The following ZNF43 variants were observed in gnomAD, a reference collection of about 807,000 sequenced individuals.
The protein encoded by ZNF43 is zinc finger protein 43, also known as zinc finger protein 39-like 1 (KOX 27).
A neutral mutation model predicts 68.4 loss-of-function variants in ZNF43; 44 were observed. The ratio of observed to expected loss-of-function variants is 0.64; its 90% CI spans 0.51 to 0.83. The LOEUF is 0.83. ZNF43 is among the 40% of genes least tolerant of loss of function. The pLI, the probability that ZNF43 is intolerant of heterozygous loss-of-function variation, is 0.00. For synonymous variants in ZNF43, 308 were observed against 307.8 expected, an observed-to-expected ratio of 1.00 and a Z score of -0.01; for missense variants, 896 against 933.2, an observed-to-expected ratio of 0.96 and a Z score of 0.52.
intron 1 of ZNF43, chr19:21,843,435 A>T (rs1207690815): frequency 1.1e-6 from 1 of 939,768 alleles, no homozygotes; most frequent in Non-Finnish European, 1.3e-6. Flanking sequence ...TCACCATCTC[A>T]ATGTAGATGA....
intron 1 of ZNF43, among the ~76,000 whole-genome samples, chr19:21,848,040 G>C (rs1318353733): frequency 2.0e-5 from 3 of 151,856 alleles, no homozygotes; most frequent in Non-Finnish European, 4.4e-5. Flanking sequence ...GACTGGTCTT[G>C]AACTCCTGAC....
rs185205420 is a variant in ZNF43 at position 21,829,691 on chromosome 19, T to C, written c.3+6345A>G. Among the ~76,000 whole-genome samples the C allele has an allele frequency of 1.2e-4, 19 of 152,294 alleles. No individual in the cohort carries two copies. The East Asian group carries it at 2.5e-3, about 20-fold the overall frequency. On this transcript the variant is annotated intron_variant, in intron 1 of 3. Coordinates refer to ENST00000354959, the MANE Select transcript of ZNF43 (RefSeq NM_003423.4). ...TTTAAGATAAAAGAGTTGAACAAGA[T>C]AGTCTCTCTTATTTTCAGGTAGGAT...
chr19:21,850,598 A>C (rs956949176), intron 1 of ZNF43, among the ~76,000 whole-genome samples: 1 of 152,144 alleles, frequency 6.6e-6, no homozygotes, highest in African/African-American at 2.4e-5. Flanking sequence ...CCTGGGCAGG[A>C]GCCTCTTATT....
At chr19:21,832,387 A>G (rs924255213) in intron 1 of ZNF43, among the ~76,000 whole-genome samples, 3 of 151,800 alleles carry the variant, frequency 2.0e-5, no homozygotes, top group Admixed American at 6.6e-5. Context: ...CTCAAAGTGA[A>G]TTAAAGTCTT....
intron 1 of ZNF43, among the ~76,000 whole-genome samples, chr19:21,849,661 T>C (rs1968207843): frequency 6.8e-6 from 1 of 146,170 alleles, no homozygotes; most frequent in South Asian, 2.2e-4. Flanking sequence ...AATATAAAAA[T>C]TGCCCAGGAG....
chr19:21,818,960 A>T (rs1263947239), intron 2 of ZNF43, 135 bp downstream of exon 2: 4 of 1,308,124 alleles, frequency 3.1e-6, no homozygotes, highest in Non-Finnish European at 3.1e-6. Flanking sequence ...GTGCGCCAAC[A>T]AATCCCAATT....
chr19:21,848,881 G>A (rs1473668456), intron 1 of ZNF43, among the ~76,000 whole-genome samples: 1 of 121,202 alleles, frequency 8.3e-6, no homozygotes, highest in African/African-American at 3.9e-5. Flanking sequence ...CTCAGCCCAG[G>A]TATGAGTCAA....
chr19:21,807,811 T>G lies in ZNF43; in HGVS notation c.2226A>C (p.Ala742=). Residue 742 remains alanine (A), a synonymous_variant, in exon 4 of 4, where the codon GCA becomes GCC. Coordinates refer to ENST00000354959, the MANE Select transcript of ZNF43 (RefSeq NM_003423.4). ...QPYKCEECGK[A]FNYSSHLNTH... ...TATTAAGGTGTGAGGAATAGTTAAA[T>G]GCTTTGCCACATTCTTCACATTTGT... 6.2e-7 allele frequency: 1 copy of G among 1,612,864 alleles called. No homozygotes were observed. Among genetic ancestry groups the G allele is most frequent in the South Asian group, 1.1e-5 (1 of 91,032 alleles).
chr19:21,842,812 A>G (rs983212414), intron 1 of ZNF43, among the ~76,000 whole-genome samples: 1 of 152,084 alleles, frequency 6.6e-6, no homozygotes, highest in Non-Finnish European at 1.5e-5. Flanking sequence ...GGCAAATGTC[A>G]TAATGTCCTC....
At position 21,809,687 on chromosome 19, in the gene ZNF43, T is replaced by A; in HGVS notation, c.350A>T (p.Asp117Val). Residue 117 changes from aspartate (D) to valine (V), a missense_variant, in exon 4 of 4, where the codon GAC becomes GTC. Physicochemically the swap from Asp to Val is radical, Grantham distance 152. Transcript: ENST00000354959. The part of the protein sequence containing the change: ...CEHKNVHLKK[D>V]HKSVDECKVH... ...CTTACACTCATCCACACTTTTATGG[T>A]CTTTTTTTAAATGTACATTTTTATG... 6.2e-7 allele frequency: 1 copy of A among 1,613,406 alleles called. No individual in the cohort carries two copies. The highest frequency in any genetic ancestry group is 1.3e-5 in the African/African-American group (1 of 74,986).
At chr19:21,823,614 CTT>C (rs1407913401) in intron 1 of ZNF43, among the ~76,000 whole-genome samples, 1 of 116,120 alleles carries the variant, frequency 8.6e-6, no homozygotes, top group African/African-American at 3.5e-5. Context: ...GAGTTTCGCT[CTT>C]GTTGCCCAGG....
chr19:21,813,570 T>C (rs2037383045), intron 3 of ZNF43, among the ~76,000 whole-genome samples: 1 of 152,188 alleles, frequency 6.6e-6, no homozygotes, highest in African/African-American at 2.4e-5. Context: ...AAATTATGGA[T>C]ACCATATGAC....
At chr19:21,835,846 T>C (rs1473703389) in intron 1 of ZNF43, among the ~76,000 whole-genome samples, 190 bp downstream of exon 1, 1 of 152,114 alleles carries the variant, frequency 6.6e-6, no homozygotes, top group Non-Finnish European at 1.5e-5. Flanking sequence ...CGGGACACAG[T>C]CACTGCGCAG....
intron 1 of ZNF43, among the ~76,000 whole-genome samples, chr19:21,832,394 TCTTAAA>T (rs138553768): frequency 0.035 from 5,310 of 152,228 alleles, 175 homozygotes; most frequent in South Asian, 0.15. Flanking sequence ...TGAATTAAAG[TCTTAAA>T]CTTAAAATGT....
At position 21,808,126 on chromosome 19, in the gene ZNF43, A is replaced by T. The variant is rs1206743425; in HGVS notation, c.1911T>A (p.Leu637=). Residue 637 remains leucine (L), a synonymous_variant, in exon 4 of 4, where the codon CTT becomes CTA. Coordinates refer to ENST00000354959, the MANE Select transcript of ZNF43 (RefSeq NM_003423.4). Reference sequence around the variant, plus strand: ...CAGTGTGAATTATCTTATGTTTAGTAAGAGTTGAGAACTGGTTAAAAGCTT... The same window carrying T: ...CAGTGTGAATTATCTTATGTTTAGTTAGAGTTGAGAACTGGTTAAAAGCTT... The part of the protein sequence containing the change: ...CGKAFNQFST[L]TKHKIIHTEE... 2.4e-5 allele frequency: 38 copies of T among 1,613,220 alleles called. No individual in the cohort carries two copies. The highest frequency in any genetic ancestry group is 3.2e-5 in the Non-Finnish European group (38 of 1,179,844).
At chr19:21,814,651 A>G (rs1354192759) in intron 3 of ZNF43, among the ~76,000 whole-genome samples, 1 of 151,882 alleles carries the variant, frequency 6.6e-6, no homozygotes, top group South Asian at 2.1e-4. Flanking sequence ...CTTGTGATCC[A>G]TCTGCCTCAG....
intron 2 of ZNF43, 22 bp from the exon 3 acceptor site, chr19:21,818,008 T>G (rs2037613891): frequency 6.3e-7 from 1 of 1,598,098 alleles, no homozygotes; most frequent in East Asian, 2.2e-5. Flanking sequence ...AAAAATAAAT[T>G]ACGTGAATCT....
upstream of ZNF43, chr19:21,838,997 A>C (rs1967314055): frequency 6.6e-6 from 1 of 152,160 alleles, no homozygotes; most frequent in Non-Finnish European, 1.5e-5. Context: ...TCATGGATGC[A>C]GAGATATGTC....
chr19:21,835,751 T>C (rs971998770), intron 1 of ZNF43, among the ~76,000 whole-genome samples: 1 of 152,172 alleles, frequency 6.6e-6, no homozygotes, highest in Non-Finnish European at 1.5e-5. Context: ...CAGGATTCTC[T>C]CCTGACGACC....
Sources: gnomAD v4.1 joint callset for allele counts (sites outside exome capture counted in the v4.1 genomes callset) on GRCh38, gnomAD v4.1.1 for gene constraint, MANE v1.5 for transcripts, NCBI Gene and HGNC (gene_info 2026-07-23, HGNC 2026-07-21) for gene names.